The following NEDD4L variants were observed in gnomAD, a reference collection of about 807,000 sequenced individuals.
The protein encoded by NEDD4L is NEDD4 like E3 ubiquitin protein ligase.
Under a neutral mutation model 148.9 loss-of-function variants are expected in NEDD4L, and 54 were observed. The observed-to-expected ratio is 0.36, with a 90% CI of 0.29 to 0.45. NEDD4L has a LOEUF of 0.45. Among genes scored for constraint, NEDD4L ranks in the 20% least tolerant of loss-of-function variants. The pLI is 1.00. For missense variants in NEDD4L, 856 were observed against 1,233.8 expected (o/e 0.69, Z 4.59); for synonymous variants, 433 against 440.7 (o/e 0.98, Z 0.22).
chr18:58,084,671 T>TTTTG (rs1555686018), intron 1 of NEDD4L, among the ~76,000 whole-genome samples: 4 of 133,738 alleles, frequency 3.0e-5, no homozygotes, highest in Admixed American at 1.5e-4. Flanking sequence ...TGTGGGGTTT[T>TTTTG]TGTGTGTGTG....
chr18:58,313,369 G>A (rs527013), intron 5 of NEDD4L, among the ~76,000 whole-genome samples: 1 of 152,194 alleles, frequency 6.6e-6, no homozygotes, highest in African/African-American at 2.4e-5. Flanking sequence ...TCCATTTGAG[G>A]AAAGGAACGG....
chr18:58,258,316 A>C (rs190282197), intron 5 of NEDD4L, among the ~76,000 whole-genome samples: 2 of 152,346 alleles, frequency 1.3e-5, no homozygotes, highest in East Asian at 3.9e-4. Flanking sequence ...CGGCAACACA[A>C]TTCCATGCTG....
chr18:58,153,352 T>C (rs2035041156), intron 1 of NEDD4L, among the ~76,000 whole-genome samples: 1 of 151,238 alleles, frequency 6.6e-6, no homozygotes, highest in South Asian at 2.1e-4. Context: ...TTTTTTTTTT[T>C]TTTTAAAGAC....
rs138430099 is a variant in NEDD4L at position 58,347,205 on chromosome 18, G to GCCCCCCCCCCCCCCCCC, written c.1576-2324_1576-2323insCCCCCCCCCCCCCCCCC. On this transcript the variant is annotated intron_variant, in intron 16 of 30. Transcript: ENST00000400345. ...AATTTCAGCTTCTTTTCACGCTACG[G>GCCCCCCCCCCCCCCCCC]CCCCCCCCGCCCCCCCCCCCCCTTT... Among the ~76,000 whole-genome samples, 52 of 39,588 alleles carry GCCCCCCCCCCCCCCCCC rather than the reference G, an allele frequency of 1.3e-3. 4 individuals are homozygous for GCCCCCCCCCCCCCCCCC. Among genetic ancestry groups the GCCCCCCCCCCCCCCCCC allele is most frequent in the African/African-American group, 2.5e-3 (18 of 7,156 alleles). The allele number at this position is 39,588 out of a possible 152,430, so 26.0% of individuals were successfully genotyped here.
intron 2 of NEDD4L, among the ~76,000 whole-genome samples, chr18:58,177,291 G>A (rs2038283790): frequency 6.6e-6 from 1 of 152,158 alleles, no homozygotes. Flanking sequence ...AAGAGTGTAA[G>A]AAGCTCAAGT....
intron 18 of NEDD4L, among the ~76,000 whole-genome samples, chr18:58,352,960 G>A (rs1038075607): frequency 7.9e-5 from 12 of 152,226 alleles, no homozygotes; most frequent in Admixed American, 7.9e-4. Flanking sequence ...GAAAATCACT[G>A]ACTATTTCAC....
rs985930071 is a variant in NEDD4L, at chr18:58,262,429, G to A, written c.297+10375G>A. On this transcript the variant is annotated intron_variant, in intron 5 of 30. Transcript: ENST00000400345. Reference sequence around the variant, plus strand: ...AGATCCCTTGAGCCCAGGACTTCGAGACCAGCCTGAGCAACATGGCGAAGC... The same window carrying A: ...AGATCCCTTGAGCCCAGGACTTCGAAACCAGCCTGAGCAACATGGCGAAGC... Among the ~76,000 whole-genome samples the A allele has an allele frequency of 4.6e-5, 7 of 152,108 alleles. 1 individual carries two copies. Among genetic ancestry groups the A allele is most frequent in the Admixed American group, 4.6e-4 (7 of 15,282 alleles).
At chr18:58,119,668 C>A (rs2086095531) in intron 1 of NEDD4L, among the ~76,000 whole-genome samples, 2 of 152,228 alleles carry the variant, frequency 1.3e-5, no homozygotes, top group South Asian at 4.1e-4. Context: ...GAGTTTGCAG[C>A]CCCTGCTGGA....
intron 1 of NEDD4L, among the ~76,000 whole-genome samples, chr18:58,066,386 A>ATTTTTT (rs1568166404): frequency 5.2e-5 from 2 of 38,426 alleles, no homozygotes; most frequent in Non-Finnish European, 1.1e-4. Flanking sequence ...ACTCTGTATT[A>ATTTTTT]GTTTTTTTTT....
chr18:58,044,743 G>A, intron 1 of NEDD4L, 35 bp downstream of exon 1: 4 of 1,598,356 alleles, frequency 2.5e-6, no homozygotes, highest in Non-Finnish European at 1.7e-6. Context: ...GGGACTCCCC[G>A]GGGAGTTCCT....
chr18:58,325,386 T>C (rs2059224699), intron 9 of NEDD4L, among the ~76,000 whole-genome samples: 1 of 152,264 alleles, frequency 6.6e-6, no homozygotes, highest in African/African-American at 2.4e-5. Flanking sequence ...GTTTTCAATA[T>C]GAGCTGATTT....
At chr18:58,373,312 G>GCCTT in intron 24 of NEDD4L, 43 bp downstream of exon 24, 1 of 1,188,456 alleles carries the variant, frequency 8.4e-7, no homozygotes, top group Non-Finnish European at 1.2e-6. Context: ...AGCTTTCAAG[G>GCCTT]GGCATTTTTC....
chr18:58,076,912 A>G (rs112291845), intron 1 of NEDD4L, among the ~76,000 whole-genome samples: 3,858 of 135,852 alleles, frequency 0.028, 167 homozygotes, highest in African/African-American at 0.1. Context: ...GTGCAGTGGT[A>G]TGATCTCAGC....
At chr18:58,339,759 T>A (rs1385376250) in intron 13 of NEDD4L, among the ~76,000 whole-genome samples, 4 of 152,142 alleles carry the variant, frequency 2.6e-5, no homozygotes, top group Admixed American at 2.0e-4. Context: ...GGTTTTCAAA[T>A]TACCCGGCAG....
intron 2 of NEDD4L, among the ~76,000 whole-genome samples, chr18:58,196,036 C>T (rs2040649469): frequency 6.6e-6 from 1 of 152,118 alleles, no homozygotes; most frequent in South Asian, 2.1e-4. Flanking sequence ...GCTCTGGTGC[C>T]TCTCCCCCCT....
chr18:58,077,160 C>CTTTTTTTTTTTTTTTTTTTTTTTTT (rs60248050), intron 1 of NEDD4L, among the ~76,000 whole-genome samples: 1 of 48,894 alleles, frequency 2.0e-5, no homozygotes, highest in Non-Finnish European at 3.7e-5. Flanking sequence ...CTCATAACGG[C>CTTTTTTTTTTTTTTTTTTTTTTTTT]TTTTTTTTTT....
At chr18:58,139,097 T>C (rs572794) in intron 1 of NEDD4L, among the ~76,000 whole-genome samples, 133,600 of 152,262 alleles carry the variant, frequency 0.88, 58,667 homozygotes, top group East Asian at 0.93. Flanking sequence ...CGAAAATGCT[T>C]GTACTTATTT....
At chr18:58,211,428 C>G (rs181180867) in intron 2 of NEDD4L, among the ~76,000 whole-genome samples, 1 of 152,282 alleles carries the variant, frequency 6.6e-6, no homozygotes, top group Admixed American at 6.5e-5. Flanking sequence ...GTATTTCTTT[C>G]ACAATAGCAG....
chr18:58,240,091 A>G (rs1187332624), intron 2 of NEDD4L, among the ~76,000 whole-genome samples: 2 of 152,098 alleles, frequency 1.3e-5, no homozygotes, highest in East Asian at 3.9e-4. Flanking sequence ...ACTTCATTTT[A>G]GTTCAGGGAG....
Sources: allele counts gnomAD v4.1 joint callset (sites outside exome capture counted in the v4.1 genomes callset), GRCh38; gene constraint gnomAD v4.1.1; transcripts MANE v1.5; gene names NCBI Gene and HGNC (gene_info 2026-07-23, HGNC 2026-07-21).